The following CARMIL1 variants were observed in gnomAD, a reference collection of about 807,000 sequenced individuals.
CARMIL1 encodes the protein F-actin-uncapping protein LRRC16A.
In CARMIL1, 90 loss-of-function variants were observed where a neutral mutation model predicts 177.1. The ratio of observed to expected loss-of-function variants is 0.51; its 90% CI spans 0.43 to 0.61. The LOEUF is 0.61. Among genes scored for constraint, CARMIL1 ranks in the 20% least tolerant of loss-of-function variants. The probability of loss-of-function intolerance (pLI) is 0.00; values close to 1 mark genes in which losing one functional copy is unlikely to be tolerated. For synonymous variants in CARMIL1, 577 were observed against 606.2 expected, an observed-to-expected ratio of 0.95 and a Z score of 0.71; for missense variants, 1,380 against 1,667.0, an observed-to-expected ratio of 0.83 and a Z score of 3.00.
intron 23 of CARMIL1, among the ~76,000 whole-genome samples, chr6:25,527,449 C>T (rs1807265301): frequency 6.6e-6 from 1 of 152,190 alleles, no homozygotes; most frequent in African/African-American, 2.4e-5. Context: ...GACCCAGCCA[C>T]AGCCAGTGCT....
At chr6:25,407,513 T>G (rs1378365848) in intron 2 of CARMIL1, among the ~76,000 whole-genome samples, 1 of 152,070 alleles carries the variant, frequency 6.6e-6, no homozygotes, top group East Asian at 1.9e-4. Context: ...ACCATTCTGA[T>G]AATTTCTGTT....
chr6:25,451,986 G>GCCGCCCC, intron 8 of CARMIL1: 1 of 112,672 alleles, frequency 8.9e-6, no homozygotes, highest in Non-Finnish European at 1.7e-5. Flanking sequence ...CTAGCATCTT[G>GCCGCCCC]CCCCCCCCTC....
At chr6:25,553,027 C>A (rs979166489) in intron 27 of CARMIL1, among the ~76,000 whole-genome samples, 3 of 151,990 alleles carry the variant, frequency 2.0e-5, no homozygotes, top group Non-Finnish European at 4.4e-5. Flanking sequence ...ATTTTTTTAT[C>A]TTTAGCTTAA....
chr6:25,418,928 C>T (rs1443891399), intron 2 of CARMIL1, among the ~76,000 whole-genome samples: 2 of 152,146 alleles, frequency 1.3e-5, no homozygotes, highest in African/African-American at 4.8e-5. Context: ...ATAAATAGTT[C>T]TGGCTTGAGT....
At chr6:25,462,485 A>G (rs940590191) in intron 8 of CARMIL1, among the ~76,000 whole-genome samples, 2 of 152,116 alleles carry the variant, frequency 1.3e-5, no homozygotes, top group African/African-American at 4.8e-5. Context: ...CAGGGCAGGG[A>G]CCATTTTCTA....
intron 2 of CARMIL1, among the ~76,000 whole-genome samples, chr6:25,411,220 C>A (rs528288549): frequency 6.6e-6 from 1 of 152,168 alleles, no homozygotes; most frequent in African/African-American, 2.4e-5. Context: ...CTGCTGTCTG[C>A]TCACCCAATA....
chr6:25,343,629 C>G (rs1204034913), intron 2 of CARMIL1, among the ~76,000 whole-genome samples: 4 of 152,182 alleles, frequency 2.6e-5, no homozygotes, highest in Non-Finnish European at 5.9e-5. Flanking sequence ...TCATTTGCCT[C>G]TTTACTTCAG....
At chr6:25,566,182 A>G (rs1023704647) in intron 29 of CARMIL1, among the ~76,000 whole-genome samples, 1 of 152,214 alleles carries the variant, frequency 6.6e-6, no homozygotes, top group African/African-American at 2.4e-5. Context: ...TCTGCAGTCA[A>G]TCGATCCCCT....
intron 8 of CARMIL1, among the ~76,000 whole-genome samples, chr6:25,457,858 C>G (rs1168507211): frequency 6.6e-6 from 1 of 152,094 alleles, no homozygotes. Context: ...AATTACTGCT[C>G]TCTCTATTTG....
chr6:25,404,208 T>G (rs915861048), intron 2 of CARMIL1, among the ~76,000 whole-genome samples: 1 of 152,230 alleles, frequency 6.6e-6, no homozygotes, highest in Non-Finnish European at 1.5e-5. Context: ...GAAGGGAGTT[T>G]GAACCAGGGC....
rs994227924 is a variant in CARMIL1 at position 25,581,337 on chromosome 6, G to A, written c.2904G>A (p.Ser968=). 9.3e-6 allele frequency: 15 copies of A among 1,613,664 alleles called. No homozygotes were observed. The highest frequency in any genetic ancestry group is 4.0e-5 in the African/African-American group (3 of 74,876). ...FPSLRQEKRS[S]GFISELPSEE... The stretch of plus-strand genomic sequence containing the variant: ...CCCTCAGACAGGAGAAGCGGAGCTC[G>A]GGATTTATCTCTGAGTTGCCCTCTG... Residue 968 remains serine, a synonymous_variant, in exon 31 of 37, where the codon TCG becomes TCA. Coordinates refer to ENST00000329474, the MANE Select transcript of CARMIL1 (RefSeq NM_017640.6).
At chr6:25,413,453 T>C (rs1202149148) in intron 2 of CARMIL1, among the ~76,000 whole-genome samples, 2 of 152,210 alleles carry the variant, frequency 1.3e-5, no homozygotes, top group African/African-American at 4.8e-5. Flanking sequence ...TATGTATTTA[T>C]TTCAGTTTCT....
intron 2 of CARMIL1, among the ~76,000 whole-genome samples, chr6:25,373,037 A>G (rs2150443084): frequency 6.6e-6 from 1 of 152,328 alleles, no homozygotes; most frequent in Non-Finnish European, 1.5e-5. Flanking sequence ...TTCTGTTTAT[A>G]TGATGTTTCA....
In CARMIL1 at chr6:25,326,272, A is replaced by G. The variant is rs539278171; in HGVS notation, c.138+41363A>G. ...AAAGGGGTTTCCAGGCAGATTCAAT[A>G]TATTGTGCAAAGGCCCTGAGGAAGT... On this transcript the variant is annotated intron_variant, in intron 2 of 36. Coordinates refer to ENST00000329474, the MANE Select transcript of CARMIL1 (RefSeq NM_017640.6). This position sits in a 1 kb window ranked among gnomAD's most constrained non-coding sequence, Gnocchi z 4.2. Among the ~76,000 whole-genome samples the G allele has an allele frequency of 4.5e-4, 68 of 152,274 alleles. No homozygotes were observed. The highest frequency in any genetic ancestry group is 1.5e-3 in the African/African-American group (64 of 41,532).
chr6:25,293,302 G>GTTT lies in CARMIL1; in HGVS notation c.138+8394_138+8395insTTT, dbSNP rs1554152258. On this transcript the variant is annotated intron_variant, in intron 2 of 36. Coordinates refer to ENST00000329474, the MANE Select transcript of CARMIL1 (RefSeq NM_017640.6). ...TGTGTGTGTGTGTGTGTGTGTGTGT[G>GTTT]TGTTTTGTAGCAGTAGTAGTAGTGG... Among the ~76,000 whole-genome samples the GTTT allele has an allele frequency of 9.0e-5, 13 of 144,616 alleles. No individual in the cohort carries two copies. The South Asian group carries it at 1.6e-3, about 17-fold the overall frequency. 94.9% of individuals were successfully genotyped at this position (144,616 alleles called of 152,430 possible).
At chr6:25,318,603 A>G (rs1199006450) in intron 2 of CARMIL1, among the ~76,000 whole-genome samples, 1 of 152,058 alleles carries the variant, frequency 6.6e-6, no homozygotes, top group African/African-American at 2.4e-5. Flanking sequence ...GTTTTCTACC[A>G]CTAGAGGAGA....
rs948681980 is a variant in CARMIL1, at chr6:25,426,688, A to G, written c.249+128A>G. The stretch of plus-strand genomic sequence containing the variant: ...ATGAAATTTTTGAAATGAGAGACTC[A>G]ACACTGGCTGTGTGGACAGGAGTTG... On this transcript the variant is annotated intron_variant, in intron 4 of 36. Transcript: ENST00000329474. 8 of 705,930 alleles carry G rather than the reference A, an allele frequency of 1.1e-5. No homozygotes were observed. In the African/African-American group the frequency reaches 1.3e-4, roughly 11 times the overall value. 43.7% of individuals were successfully genotyped at this position (705,930 alleles called of 1,614,324 possible).
At chr6:25,417,770 G>T (rs1419835644) in intron 2 of CARMIL1, among the ~76,000 whole-genome samples, 1 of 152,140 alleles carries the variant, frequency 6.6e-6, no homozygotes, top group Non-Finnish European at 1.5e-5. Context: ...TTTTATAAAC[G>T]ATTTCTGCTC....
At chr6:25,498,823 A>G (rs918743851) in intron 16 of CARMIL1, among the ~76,000 whole-genome samples, 2 of 152,228 alleles carry the variant, frequency 1.3e-5, no homozygotes, top group Admixed American at 6.5e-5. Context: ...GCGCCCATGA[A>G]AGAAAGGGGG....
Sources: allele counts gnomAD v4.1 joint callset (sites outside exome capture counted in the v4.1 genomes callset), GRCh38; gene constraint gnomAD v4.1.1; non-coding constraint Gnocchi (gnomAD v3.1); transcripts MANE v1.5; gene names NCBI Gene and HGNC (gene_info 2026-07-23, HGNC 2026-07-21).